NBPF20: variants seen among roughly 807,000 people sequenced by gnomAD.
NBPF20 encodes NBPF family member NBPF20.
A neutral mutation model predicts 68.1 loss-of-function variants in NBPF20; 90 were observed. The observed-to-expected ratio is 1.32, with a 90% confidence interval of 1.11 to 1.58. The LOEUF is 1.58. Ranked by LOEUF, NBPF20 falls within the 40% of genes most tolerant of loss-of-function variation. The probability of loss-of-function intolerance (pLI) is 0.00; values close to 1 mark genes in which losing one functional copy is unlikely to be tolerated. For synonymous variants in NBPF20, 290 were observed against 228.1 expected (o/e 1.27, Z -2.45); for missense variants, 816 against 601.2 (o/e 1.36, Z -3.74).
intron 112 of NBPF20, among the ~76,000 whole-genome samples, chr1:145,311,850 C>G (rs1405269167): frequency 9.1e-6 from 1 of 110,050 alleles, no homozygotes; most frequent in Non-Finnish European, 1.8e-5. Context: ...AGATTGTTCA[C>G]GGTAGCGAGG....
upstream of NBPF20, among the ~76,000 whole-genome samples, chr1:145,407,501 A>T (rs183881510): frequency 2.1e-4 from 31 of 147,070 alleles, no homozygotes; most frequent in East Asian, 5.9e-3. Context: ...AATATATATA[A>T]TATATATACG....
At chr1:145,404,772 T>C (rs1482883410) in intron 2 of NBPF20, among the ~76,000 whole-genome samples, 8 of 151,938 alleles carry the variant, frequency 5.3e-5, no homozygotes, top group Non-Finnish European at 8.8e-5. Context: ...CTACATGTTA[T>C]TTGTCTGCAG....
exon 6 of NBPF20, chr1:145,400,526 G>A: frequency 4.3e-6 from 7 of 1,612,882 alleles, no homozygotes; most frequent in Non-Finnish European, 5.9e-6. Flanking sequence ...ATGGCTATTT[G>A]AATAAGTGAT....
rs1571360619 is a variant in NBPF20, at chr1:145,393,671, G to A, written c.1043+213C>T. The A allele has an allele frequency of 2.9e-5, 39 of 1,349,600 alleles. No individual in the cohort carries two copies. In the South Asian group the frequency reaches 4.3e-4, roughly 15 times the overall value. The allele number at this position is 1,349,600 out of a possible 1,614,324, so 83.6% of individuals were successfully genotyped here. On this transcript the variant is annotated intron_variant, in intron 9 of 137. Coordinates refer to ENST00000369373, the Ensembl canonical transcript of NBPF20. ...CATGAGAATACAGCTTTTGAGTTAT[G>A]GTCAACTTTCACTAGGTTAGTAAAT...
At chr1:145,292,638 T>A (rs1661211768) in intron 136 of NBPF20, 149 bp from the exon 142 acceptor site, 2 of 732,820 alleles carry the variant, frequency 2.7e-6, no homozygotes, top group Admixed American at 1.9e-5. Context: ...GCCTGAAGGC[T>A]GTTCATGATA....
intron 9 of NBPF20, among the ~76,000 whole-genome samples, 188 bp from the exon 15 acceptor site, chr1:145,393,434 GACACACACTCACACACACACACAAAC>G (rs1662021911): frequency 7.0e-6 from 1 of 142,626 alleles, no homozygotes; most frequent in Non-Finnish European, 1.5e-5. Context: ...GAAAGAGAGA[GACACACACTCACACACACACACAAAC>G]ACACACACAC....
intron 112 of NBPF20, among the ~76,000 whole-genome samples, chr1:145,311,831 C>G (rs1205735749): frequency 4.8e-5 from 5 of 103,474 alleles, no homozygotes; most frequent in Non-Finnish European, 9.6e-5. Flanking sequence ...CCTGTCTCAT[C>G]AAATACTCAG....
chr1:145,392,723 G>A (rs1235774309), intron 10 of NBPF20, among the ~76,000 whole-genome samples: 1 of 63,686 alleles, frequency 1.6e-5, no homozygotes, highest in Non-Finnish European at 2.6e-5. Context: ...TCATGGTAGC[G>A]AGGATTTTAG....
intron 43 of NBPF20, among the ~76,000 whole-genome samples, chr1:145,366,641 C>G (rs1661703817): frequency 1.5e-5 from 1 of 65,118 alleles, no homozygotes; most frequent in Admixed American, 1.8e-4. Flanking sequence ...GTCCAGGTGA[C>G]ACACTGATGA....
At chr1:145,410,513 C>G (rs1353710624), upstream of NBPF20, among the ~76,000 whole-genome samples, 5 of 150,608 alleles carry the variant, frequency 3.3e-5, no homozygotes, top group Non-Finnish European at 7.4e-5. Flanking sequence ...CGGGGTTTCA[C>G]CGTTTTAGCC....
At chr1:145,409,891 G>A (rs1433121281), upstream of NBPF20, among the ~76,000 whole-genome samples, 7 of 151,338 alleles carry the variant, frequency 4.6e-5, no homozygotes, top group African/African-American at 9.7e-5. Flanking sequence ...TAATTTCCAG[G>A]CCGTTTCCCT....
At chr1:145,396,264 A>T (rs1318357185) in intron 7 of NBPF20, among the ~76,000 whole-genome samples, 1 of 152,018 alleles carries the variant, frequency 6.6e-6, no homozygotes, top group Non-Finnish European at 1.5e-5. Context: ...GTGATTCAAG[A>T]TCAAATTAGT....
intron 7 of NBPF20, among the ~76,000 whole-genome samples, chr1:145,396,665 C>G (rs1390022924): frequency 6.6e-6 from 1 of 150,958 alleles, no homozygotes; most frequent in East Asian, 1.9e-4. Flanking sequence ...TGGCACAAAC[C>G]CTACAAGCCA....
the NBPF20 span, among the ~76,000 whole-genome samples, chr1:145,421,900 T>C: frequency 1.3e-5 from 2 of 151,968 alleles, no homozygotes; most frequent in African/African-American, 2.4e-5. Flanking sequence ...TAGCCGGGCA[T>C]AGTGGTGCAT....
intron 73 of NBPF20, among the ~76,000 whole-genome samples, 163 bp from the exon 79 acceptor site, chr1:145,342,722 C>T (rs1661626543): frequency 1.1e-5 from 1 of 90,418 alleles, no homozygotes; most frequent in African/African-American, 5.1e-5. Context: ...CAGAACAGGG[C>T]CAAATGGAAA....
At chr1:145,416,181 T>C in the NBPF20 span, among the ~76,000 whole-genome samples, 1 of 149,552 alleles carries the variant, frequency 6.7e-6, no homozygotes, top group Admixed American at 6.7e-5. Flanking sequence ...ACTCCAAATA[T>C]TATTATGTGA....
chr1:145,425,528 T>C, the NBPF20 span, among the ~76,000 whole-genome samples: 5 of 152,028 alleles, frequency 3.3e-5, no homozygotes, highest in South Asian at 2.1e-4. Context: ...CCCCTCCCAA[T>C]ATCGCCGCTG....
the NBPF20 span, among the ~76,000 whole-genome samples, chr1:145,410,818 A>G: frequency 2.1e-3 from 19 of 9,178 alleles, no homozygotes; most frequent in East Asian, 8.2e-3. Context: ...ATATATACGT[A>G]TATATATATA....
At chr1:145,405,339 T>C in intron 1 of NBPF20, 32 bp from the exon 7 acceptor site, 1 of 1,500,094 alleles carries the variant, frequency 6.7e-7, no homozygotes, top group Non-Finnish European at 9.2e-7. Context: ...ATATGATGGG[T>C]TAAAAACTGG....
Sources: gnomAD v4.1 joint callset for allele counts (sites outside exome capture counted in the v4.1 genomes callset) on GRCh38, gnomAD v4.1.1 for gene constraint, MANE v1.5 for transcripts, NCBI Gene and HGNC (gene_info 2026-07-23, HGNC 2026-07-21) for gene names.